Variants in BAIAP2 observed in about 807,000 individuals in gnomAD.
The protein encoded by BAIAP2 is BAR/IMD domain-containing adapter protein 2.
In BAIAP2, 18 loss-of-function variants were observed where a neutral mutation model predicts 63.0. The ratio of observed to expected loss-of-function variants is 0.29; its 90% CI spans 0.20 to 0.42. The LOEUF (loss-of-function observed/expected upper bound fraction) is 0.42, where lower values mean the gene tolerates loss of function less well. Among genes scored for constraint, BAIAP2 ranks in the 10% least tolerant of loss-of-function variants. The pLI is 1.00. For synonymous variants in BAIAP2, 386 were observed against 307.6 expected, an observed-to-expected ratio of 1.25 and a Z score of -2.67; for missense variants, 610 against 734.3, an observed-to-expected ratio of 0.83 and a Z score of 1.96.
intron 7 of BAIAP2, among the ~76,000 whole-genome samples, chr17:81,101,980 G>C (rs958687782): frequency 6.6e-6 from 1 of 152,200 alleles, no homozygotes; most frequent in Non-Finnish European, 1.5e-5. Context: ...GAGTGAGAGC[G>C]GGGCTGTCAG....
intron 1 of BAIAP2, among the ~76,000 whole-genome samples, chr17:81,048,934 C>T (rs371493533): frequency 4.6e-5 from 7 of 152,308 alleles, no homozygotes; most frequent in South Asian, 2.1e-4. Context: ...CCTTCCATGG[C>T]GTGTGTGGGA....
intron 1 of BAIAP2, among the ~76,000 whole-genome samples, chr17:81,043,886 C>T (rs559496860): frequency 6.6e-6 from 1 of 152,370 alleles, no homozygotes; most frequent in South Asian, 2.1e-4. Context: ...GTTCTCGCCG[C>T]GGGGTCTCTG....
chr17:81,041,072 C>T (rs1029419412), intron 1 of BAIAP2, among the ~76,000 whole-genome samples: 1 of 152,250 alleles, frequency 6.6e-6, no homozygotes, highest in African/African-American at 2.4e-5. Context: ...CAAGTTAACC[C>T]CCATCTGCCC....
At chr17:81,102,885 C>T (rs1568174869) in intron 7 of BAIAP2, among the ~76,000 whole-genome samples, 1 of 152,230 alleles carries the variant, frequency 6.6e-6, no homozygotes, top group Non-Finnish European at 1.5e-5. Context: ...ACTTGATTAG[C>T]TCCCAGGACC....
At chr17:81,073,286 A>G (rs1006659101) in intron 3 of BAIAP2, among the ~76,000 whole-genome samples, 1 of 151,804 alleles carries the variant, frequency 6.6e-6, no homozygotes, top group Non-Finnish European at 1.5e-5. Context: ...CAGAACTTTT[A>G]CCACCTGGGG....
intron 1 of BAIAP2, among the ~76,000 whole-genome samples, chr17:81,050,252 CTGCCAT>C (rs1195327770): frequency 2.0e-5 from 3 of 152,240 alleles, no homozygotes; most frequent in Non-Finnish European, 4.4e-5. Flanking sequence ...ATCGATGCCT[CTGCCAT>C]TGCCTTCGGG....
At chr17:81,050,909 T>C (rs1476979181) in intron 1 of BAIAP2, among the ~76,000 whole-genome samples, 1 of 151,724 alleles carries the variant, frequency 6.6e-6, no homozygotes. Context: ...TCCGGCAGCA[T>C]TTCCCGACCG....
chr17:81,116,282 G>A lies in BAIAP2; in HGVS notation c.*443G>A, dbSNP rs544323535. The A allele has an allele frequency of 1.3e-5, 21 of 1,612,730 alleles. 1 individual carries two copies. In the South Asian group the frequency reaches 1.4e-4, roughly 11 times the overall value. On this transcript the variant is annotated 3_prime_UTR_variant, in exon 14 of 14. Coordinates refer to ENST00000428708, the MANE Select transcript of BAIAP2 (RefSeq NM_001144888.2). ...AGGCCGGGAGCACGGGGATGGGAGC[G>A]CCCGCACCCTGGCTGGAAGATGAAC...
intron 13 of BAIAP2, chr17:81,108,790 C>A: frequency 1.8e-6 from 2 of 1,083,986 alleles, no homozygotes; most frequent in Non-Finnish European, 2.6e-6. Context: ...GCATCCATGG[C>A]TGGGGCTGCA....
At chr17:81,085,001 C>CTCCGAGTGTGGCTGG in intron 4 of BAIAP2, 108 bp downstream of exon 4, 1 of 1,184,740 alleles carries the variant, frequency 8.4e-7, no homozygotes, top group Non-Finnish European at 1.2e-6. Flanking sequence ...GTTGTCCAGC[C>CTCCGAGTGTGGCTGG]ACACTCGGAG....
chr17:81,052,996 A>G (rs1371932051), intron 1 of BAIAP2, among the ~76,000 whole-genome samples: 2 of 151,520 alleles, frequency 1.3e-5, no homozygotes, highest in Non-Finnish European at 2.9e-5. Flanking sequence ...TGCCGGTAGA[A>G]TTCTCATTTG....
At chr17:81,113,906 C>T (rs2060200714) in intron 13 of BAIAP2, among the ~76,000 whole-genome samples, 1 of 151,486 alleles carries the variant, frequency 6.6e-6, no homozygotes. Context: ...CGCGGCTGCA[C>T]TGCCCTCGGC....
intron 12 of BAIAP2, 184 bp from the exon 13 acceptor site, chr17:81,108,291 C>T (rs1032910179): frequency 6.3e-6 from 4 of 634,722 alleles, no homozygotes; most frequent in Non-Finnish European, 2.8e-6. Flanking sequence ...ATTACTTTAC[C>T]ACTGGGACCA....
At chr17:81,047,946 C>T (rs374405707) in intron 1 of BAIAP2, among the ~76,000 whole-genome samples, 4 of 152,348 alleles carry the variant, frequency 2.6e-5, no homozygotes, top group South Asian at 2.1e-4. Context: ...TGGCCATACG[C>T]GCCCACCCTG....
At position 81,115,351 on chromosome 17, in the gene BAIAP2, G is replaced by C. The variant is rs1198000423; in HGVS notation, c.1536-419G>C. 2.0e-5 allele frequency among the ~76,000 whole-genome samples: 3 copies of C among 152,236 alleles called. No individual in the cohort carries two copies. The East Asian group carries it at 5.8e-4, about 29-fold the overall frequency. ...GACGCTCTGCCACGCTGTGTCCCTG[G>C]GTGTGGGCCTGGCCTGGTGGGGGAG... On this transcript the variant is annotated intron_variant, in intron 13 of 13. Transcript: ENST00000428708.
At chr17:81,097,205 C>T (rs917024351) in intron 6 of BAIAP2, among the ~76,000 whole-genome samples, 3 of 152,202 alleles carry the variant, frequency 2.0e-5, no homozygotes, top group Admixed American at 6.5e-5. Context: ...GTAGCAAGCC[C>T]GTTGTTTTGA....
At position 81,105,996 on chromosome 17, in the gene BAIAP2, G is replaced by A. The variant is rs187784683; in HGVS notation, c.1269-82G>A. 1.0e-5 allele frequency: 13 copies of A among 1,253,672 alleles called. No homozygotes were observed. The South Asian group carries it at 1.0e-4, about 10-fold the overall frequency. 77.7% of individuals were successfully genotyped at this position (1,253,672 alleles called of 1,614,324 possible). A position where few individuals can be genotyped will look rare whatever the true frequency, so the allele number is the denominator to read the frequency against. On this transcript the variant is annotated intron_variant, in intron 10 of 13. Transcript: ENST00000428708. ...GCGCAGCCATGCTGGGGAGCTAGAG[G>A]GACTTGTGCATGGATGGTGGTCGGT...
chr17:81,035,403 C>T (rs2046076247), intron 1 of BAIAP2, 95 bp downstream of exon 1: 1 of 717,278 alleles, frequency 1.4e-6, no homozygotes, highest in East Asian at 1.3e-4. Flanking sequence ...GGCCCCGGGG[C>T]CGCGCGCCGG....
chr17:81,038,962 G>A (rs979369654), intron 1 of BAIAP2, among the ~76,000 whole-genome samples: 6 of 152,226 alleles, frequency 3.9e-5, no homozygotes, highest in African/African-American at 7.2e-5. Context: ...ACCCAGCTCC[G>A]TGCGCGTGTA....
Sources: gnomAD v4.1 joint callset for allele counts (sites outside exome capture counted in the v4.1 genomes callset) on GRCh38, gnomAD v4.1.1 for gene constraint, MANE v1.5 for transcripts, NCBI Gene and HGNC (gene_info 2026-07-23, HGNC 2026-07-21) for gene names.